KCNJ10: variants seen among roughly 807,000 people sequenced by gnomAD.
KCNJ10 encodes the protein ATP-sensitive inward rectifier potassium channel 10.
A neutral mutation model predicts 22.2 loss-of-function variants in KCNJ10; 9 were observed. The observed-to-expected ratio is 0.40, with a 90% CI of 0.24 to 0.71. The LOEUF is 0.71. Among genes scored for constraint, KCNJ10 ranks in the 30% least tolerant of loss-of-function variants. KCNJ10 has a pLI of 0.35. For missense variants in KCNJ10, 337 were observed against 482.7 expected, an observed-to-expected ratio of 0.70 and a Z score of 2.83; for synonymous variants, 184 against 187.3, an observed-to-expected ratio of 0.98 and a Z score of 0.15.
chr1:160,047,036 G>A (rs1648757445), intron 1 of KCNJ10, among the ~76,000 whole-genome samples: 1 of 152,178 alleles, frequency 6.6e-6, no homozygotes, highest in South Asian at 2.1e-4. Flanking sequence ...TAGCTACAGT[G>A]ATGATCAGCA....
At chr1:160,061,815 G>A (rs1029981390) in intron 1 of KCNJ10, among the ~76,000 whole-genome samples, 9 of 151,798 alleles carry the variant, frequency 5.9e-5, no homozygotes, top group African/African-American at 1.2e-4. Context: ...TGGTGTTGTG[G>A]ACGTGCGATC....
intron 1 of KCNJ10, among the ~76,000 whole-genome samples, chr1:160,049,910 C>G (rs1009735531): frequency 1.3e-5 from 2 of 151,210 alleles, no homozygotes; most frequent in African/African-American, 2.4e-5. Context: ...GAACTTCACT[C>G]TGGTCCAGCA....
intron 1 of KCNJ10, chr1:160,064,689 C>T (rs1649275702): frequency 6.6e-6 from 1 of 152,244 alleles, no homozygotes; most frequent in African/African-American, 2.4e-5. Flanking sequence ...GACTCTAATA[C>T]ACTCACCCTC....
At position 160,041,087 on chromosome 1, in the gene KCNJ10, CTAATGTGAG is replaced by C. The variant is rs1188209902; in HGVS notation, c.*297_*305del. ...CTATCCTTCCAACCACATGGTCCTC[CTAATGTGAG>C]TATCCAAGCATGGCTGAGGCCTTCT... On this transcript the variant is annotated 3_prime_UTR_variant, in exon 2 of 2. Coordinates refer to ENST00000644903, the MANE Select transcript of KCNJ10 (RefSeq NM_002241.5). The surrounding 1 kb of genome is among the most constrained non-coding windows in gnomAD (Gnocchi z 4.4). The C allele has an allele frequency of 2.2e-6, 1 of 454,392 alleles. No homozygotes were observed. Among genetic ancestry groups the C allele is most frequent in the Non-Finnish European group, 4.1e-6 (1 of 246,332 alleles). The allele number at this position is 454,392 out of a possible 1,614,324, so 28.1% of individuals were successfully genotyped here.
intron 1 of KCNJ10, among the ~76,000 whole-genome samples, chr1:160,043,829 T>C (rs75514495): frequency 0.022 from 3,277 of 152,338 alleles, 98 homozygotes; most frequent in African/African-American, 0.069. Context: ...CTGGCACCCT[T>C]GCCCAAGCAG....
intron 1 of KCNJ10, among the ~76,000 whole-genome samples, chr1:160,046,276 G>A (rs1250533784): frequency 3.9e-5 from 6 of 152,100 alleles, no homozygotes; most frequent in African/African-American, 1.2e-4. Flanking sequence ...AAAATATATA[G>A]TTTGATCCTC....
intron 1 of KCNJ10, among the ~76,000 whole-genome samples, chr1:160,060,338 C>T (rs1211088662): frequency 6.6e-6 from 1 of 152,110 alleles, no homozygotes; most frequent in African/African-American, 2.4e-5. Flanking sequence ...TTGAGCAGTT[C>T]TCTTTCTCCA....
chr1:160,048,914 C>G (rs184193254), intron 1 of KCNJ10, among the ~76,000 whole-genome samples: 14 of 152,330 alleles, frequency 9.2e-5, no homozygotes, highest in African/African-American at 2.6e-4. Context: ...TTCTTTCTCT[C>G]CTCAAATCCA....
intron 1 of KCNJ10, among the ~76,000 whole-genome samples, chr1:160,050,924 C>T (rs1648887024): frequency 6.6e-6 from 1 of 152,058 alleles, no homozygotes; most frequent in Non-Finnish European, 1.5e-5. Context: ...GGTGCTCCAG[C>T]CTGCTGGTCT....
chr1:160,050,526 G>A (rs534046027), intron 1 of KCNJ10, among the ~76,000 whole-genome samples: 2 of 152,072 alleles, frequency 1.3e-5, no homozygotes, highest in African/African-American at 2.4e-5. Context: ...GATTCTTTCC[G>A]TGAAGACCTT....
rs528195297 is a variant in KCNJ10 at position 160,068,729 on chromosome 1, G to T, written c.-1+1293C>A. ...TTACAAGCCCTACCACTTGGCACAGGATGGTACCCACCATCATGCCAGGAA... is the reference window on the plus strand; with the variant it reads ...TTACAAGCCCTACCACTTGGCACAGTATGGTACCCACCATCATGCCAGGAA... On this transcript the variant is annotated intron_variant, in intron 1 of 1. Transcript: ENST00000644903. 1.6e-4 allele frequency among the ~76,000 whole-genome samples: 25 copies of T among 152,312 alleles called. 2 individuals carry two copies. In the South Asian group the frequency reaches 5.0e-3, roughly 30 times the overall value.
intron 1 of KCNJ10, among the ~76,000 whole-genome samples, chr1:160,059,430 T>G (rs1321748386): frequency 6.6e-6 from 1 of 152,144 alleles, no homozygotes; most frequent in Non-Finnish European, 1.5e-5. Flanking sequence ...TCATCTCAAC[T>G]TATCTCTTCC....
chr1:160,044,643 G>A (rs1464542557), intron 1 of KCNJ10: 4 of 152,152 alleles, frequency 2.6e-5, no homozygotes, highest in Non-Finnish European at 5.9e-5. Flanking sequence ...TTAAGATTAC[G>A]AGTACTTAGG....
At chr1:160,048,425 A>G (rs1160403594) in intron 1 of KCNJ10, among the ~76,000 whole-genome samples, 1 of 152,180 alleles carries the variant, frequency 6.6e-6, no homozygotes. Flanking sequence ...GGCTGGGGAG[A>G]GAATGAGCTT....
At chr1:160,046,550 G>A (rs1557969331) in intron 1 of KCNJ10, among the ~76,000 whole-genome samples, 1 of 152,120 alleles carries the variant, frequency 6.6e-6, no homozygotes, top group South Asian at 2.1e-4. Context: ...TGGAGATTTC[G>A]GCCACTGCTA....
chr1:160,055,955 A>T (rs1649024783), intron 1 of KCNJ10, among the ~76,000 whole-genome samples: 1 of 152,122 alleles, frequency 6.6e-6, no homozygotes, highest in Non-Finnish European at 1.5e-5. Context: ...CAATTTTAAC[A>T]TGTTCAGACT....
chr1:160,062,762 T>C (rs1027574541), intron 1 of KCNJ10: 2 of 152,166 alleles, frequency 1.3e-5, no homozygotes, highest in African/African-American at 2.4e-5. Context: ...CAAAGGAATT[T>C]TGTGGGCAGG....
In KCNJ10 at chr1:160,042,290, G is replaced by T. The variant is rs766863064; in HGVS notation, c.243C>A (p.Leu81=). 2.5e-6 allele frequency: 4 copies of T among 1,614,042 alleles called. No homozygotes were observed. In the South Asian group the frequency reaches 4.4e-5, roughly 18 times the overall value. ...FSATFAGTWF[L]FGVVWYLVAV... ...CTACCAGATACCACACCACGCCAAAGAGGAACCATGTGCCTGCAAAGGTCG... is the reference window on the plus strand; with the variant it reads ...CTACCAGATACCACACCACGCCAAATAGGAACCATGTGCCTGCAAAGGTCG... The change falls in exon 2 of 2, where the codon CTC becomes CTA. Residue 81 remains leucine, a synonymous_variant. Coordinates refer to ENST00000644903, the MANE Select transcript of KCNJ10 (RefSeq NM_002241.5).
chr1:160,041,972 C>T lies in KCNJ10; in HGVS notation c.561G>A (p.Val187=), dbSNP rs1433025802. Residue 187 remains valine (V), a synonymous_variant, in exon 2 of 2, where the codon GTG becomes GTA. Coordinates refer to ENST00000644903, the MANE Select transcript of KCNJ10 (RefSeq NM_002241.5). This position sits in a 1 kb window ranked among gnomAD's most constrained non-coding sequence, Gnocchi z 4.4. ...GGCAGGGCTTGCCATTGTGGGAGGC[C>T]ACAACTGCATGCTGGCTGAAACGAA... ...ETIRFSQHAV[V]ASHNGKPCLM... The T allele has an allele frequency of 5.0e-6, 8 of 1,601,566 alleles. No individual in the cohort carries two copies. The South Asian group carries it at 7.9e-5, about 16-fold the overall frequency.
Sources: allele counts gnomAD v4.1 joint callset (sites outside exome capture counted in the v4.1 genomes callset), GRCh38; gene constraint gnomAD v4.1.1; non-coding constraint Gnocchi (gnomAD v3.1); transcripts MANE v1.5; gene names NCBI Gene and HGNC (gene_info 2026-07-23, HGNC 2026-07-21).